MAN2A1: variants seen among roughly 807,000 people sequenced by gnomAD.
The protein encoded by MAN2A1 is alpha-mannosidase 2.
A neutral mutation model predicts 142.6 loss-of-function variants in MAN2A1; 76 were observed. The ratio of observed to expected loss-of-function variants is 0.53; its 90% CI spans 0.44 to 0.65. MAN2A1 has a LOEUF of 0.65. Among genes scored for constraint, MAN2A1 ranks in the 30% least tolerant of loss-of-function variants. The pLI is 0.00. For missense variants in MAN2A1, 1,311 were observed against 1,365.1 expected, an observed-to-expected ratio of 0.96 and a Z score of 0.62; for synonymous variants, 559 against 473.2, an observed-to-expected ratio of 1.18 and a Z score of -2.35.
intron 20 of MAN2A1, chr5:109,863,796 T>A (rs1173039852): frequency 6.6e-6 from 1 of 152,240 alleles, no homozygotes; most frequent in Non-Finnish European, 1.5e-5. Context: ...TGTATTGAAA[T>A]GAATTAGAAA....
At chr5:109,833,596 T>C (rs1580300613) in intron 16 of MAN2A1, among the ~76,000 whole-genome samples, 1 of 150,970 alleles carries the variant, frequency 6.6e-6, no homozygotes, top group African/African-American at 2.4e-5. Context: ...GGCATGGAGG[T>C]TGCAGTGAGC....
At chr5:109,748,716 TAGAC>T (rs1218673699) in intron 4 of MAN2A1, among the ~76,000 whole-genome samples, 1 of 151,974 alleles carries the variant, frequency 6.6e-6, no homozygotes, top group Non-Finnish European at 1.5e-5. Flanking sequence ...TCCAGGCAGA[TAGAC>T]AGCATGGACA....
At chr5:109,789,408 T>G (rs1753681518) in intron 11 of MAN2A1, 52 bp from the exon 12 acceptor site, 3 of 1,007,726 alleles carry the variant, frequency 3.0e-6, no homozygotes, top group Non-Finnish European at 4.4e-6. Context: ...GGTTTCAGGA[T>G]GAGTCCATGG....
chr5:109,742,833 A>T (rs1212827664), intron 4 of MAN2A1, among the ~76,000 whole-genome samples: 1 of 152,228 alleles, frequency 6.6e-6, no homozygotes, highest in Non-Finnish European at 1.5e-5. Flanking sequence ...CTTTAGTTCT[A>T]ATAGTTGAAG....
At chr5:109,714,973 C>T (rs1358792454) in intron 2 of MAN2A1, among the ~76,000 whole-genome samples, 1 of 143,958 alleles carries the variant, frequency 6.9e-6, no homozygotes, top group Non-Finnish European at 1.5e-5. Context: ...TGTTGTCATC[C>T]ATGATAAGGG....
At chr5:109,711,405 T>G (rs567731412) in intron 1 of MAN2A1, among the ~76,000 whole-genome samples, 17 of 151,542 alleles carry the variant, frequency 1.1e-4, no homozygotes, top group Non-Finnish European at 1.6e-4. Context: ...CAGACAGCCT[T>G]TGATAGCATA....
At chr5:109,854,963 T>C (rs1755568694) in intron 19 of MAN2A1, 177 bp from the exon 20 acceptor site, 3 of 419,226 alleles carry the variant, frequency 7.2e-6, no homozygotes, top group Non-Finnish European at 1.2e-5. Flanking sequence ...TATTTTCTTT[T>C]ATTGCTTACA....
intron 1 of MAN2A1, among the ~76,000 whole-genome samples, chr5:109,691,882 G>T (rs921105885): frequency 1.3e-5 from 2 of 152,168 alleles, no homozygotes; most frequent in East Asian, 3.8e-4. Context: ...TGATGAGGTT[G>T]AAGAAAACAG....
chr5:109,794,171 G>A (rs1753803983), intron 12 of MAN2A1: 1 of 152,148 alleles, frequency 6.6e-6, no homozygotes, highest in Admixed American at 6.6e-5. Flanking sequence ...ATTTGATAGA[G>A]GCATTTGGAG....
intron 4 of MAN2A1, among the ~76,000 whole-genome samples, chr5:109,742,701 G>A (rs1288360018): frequency 1.3e-5 from 2 of 152,166 alleles, no homozygotes; most frequent in African/African-American, 2.4e-5. Flanking sequence ...ATAGAGCAAT[G>A]GGAAGTTACA....
At chr5:109,697,300 A>G (rs1750842409) in intron 1 of MAN2A1, among the ~76,000 whole-genome samples, 1 of 152,252 alleles carries the variant, frequency 6.6e-6, no homozygotes. Context: ...TCTTGAGATG[A>G]GAAAAAGCAG....
chr5:109,739,916 G>T lies in MAN2A1; in HGVS notation c.707+10403G>T, dbSNP rs145045841. Among the ~76,000 whole-genome samples, 248 of 152,276 alleles carry T rather than the reference G, an allele frequency of 1.6e-3. 1 individual carries two copies. Among genetic ancestry groups the T allele is most frequent in the African/African-American group, 5.6e-3 (234 of 41,556 alleles). ...CCAGGGCTTTGAATCTTTAGAGAGC[G>T]AAGTGAGGGCTGACAGATGGAGGGA... On this transcript the variant is annotated intron_variant, in intron 4 of 21. Coordinates refer to ENST00000261483, the MANE Select transcript of MAN2A1 (RefSeq NM_002372.4).
In MAN2A1 at chr5:109,846,025, C is replaced by G. The variant is rs1209655402; in HGVS notation, c.2842+19C>G. On this transcript the variant is annotated intron_variant, in intron 18 of 21. Transcript: ENST00000261483. ...AATAGTGGTATGTATTGCTTACACT[C>G]TTTTCCACTCTGAAAGGTTTCAATT... is the stretch of plus-strand genomic sequence containing the variant. The G allele has an allele frequency of 6.3e-7, 1 of 1,580,604 alleles. No individual in the cohort carries two copies. Among genetic ancestry groups the G allele is most frequent in the Non-Finnish European group, 8.6e-7 (1 of 1,163,490 alleles).
chr5:109,818,079 T>C (rs182623913), intron 13 of MAN2A1, among the ~76,000 whole-genome samples: 3 of 152,306 alleles, frequency 2.0e-5, no homozygotes, highest in Admixed American at 1.3e-4. Flanking sequence ...GATACAGCCA[T>C]AAACTAGGAA....
At chr5:109,778,053 A>G (rs1210645529) in intron 8 of MAN2A1, among the ~76,000 whole-genome samples, 2 of 151,184 alleles carry the variant, frequency 1.3e-5, no homozygotes, top group African/African-American at 2.4e-5. Context: ...GTAATTCTAC[A>G]TAGGTGTAGG....
At chr5:109,756,107 G>A (rs1289365024) in intron 5 of MAN2A1, among the ~76,000 whole-genome samples, 1 of 152,002 alleles carries the variant, frequency 6.6e-6, no homozygotes, top group African/African-American at 2.4e-5. Flanking sequence ...AGTCATTTTG[G>A]TGGAAATGGT....
chr5:109,726,701 A>G (rs960923385), intron 3 of MAN2A1, among the ~76,000 whole-genome samples: 1 of 152,198 alleles, frequency 6.6e-6, no homozygotes, highest in Non-Finnish European at 1.5e-5. Context: ...TTGAAAATAA[A>G]TAGTTGTGCT....
Position 109,832,630 on chromosome 5 carries a change from C to G in MAN2A1, c.2566+8793C>G, listed in dbSNP as rs547961031. ...TCTTTCCTTTCCCCACACGTCCCCC[C>G]CTTCCACTCGACAAAACCGCCATCG... On this transcript the variant is annotated intron_variant, in intron 16 of 21. Coordinates refer to ENST00000261483, the MANE Select transcript of MAN2A1 (RefSeq NM_002372.4). Among the ~76,000 whole-genome samples, 427 of 152,332 alleles carry G rather than the reference C, an allele frequency of 2.8e-3. 5 individuals are homozygous for G. The highest frequency in any genetic ancestry group is 2.1e-3 in the Non-Finnish European group (143 of 68,032).
At position 109,698,197 on chromosome 5, in the gene MAN2A1, T is replaced by A. The variant is rs185039874; in HGVS notation, c.135+7645T>A. Among the ~76,000 whole-genome samples the A allele has an allele frequency of 4.1e-4, 62 of 152,350 alleles. 1 individual carries two copies. Among genetic ancestry groups the A allele is most frequent in the Middle Eastern group, 6.8e-3 (2 of 294 alleles). ...AGAAGGGAGAGCTCAGGTATAGGTA[T>A]CTTCTTCATAAGCTGTAAATAGAAG... On this transcript the variant is annotated intron_variant, in intron 1 of 21. Coordinates refer to ENST00000261483, the MANE Select transcript of MAN2A1 (RefSeq NM_002372.4).
Sources: allele counts gnomAD v4.1 joint callset (sites outside exome capture counted in the v4.1 genomes callset), GRCh38; gene constraint gnomAD v4.1.1; transcripts MANE v1.5; gene names NCBI Gene and HGNC (gene_info 2026-07-23, HGNC 2026-07-21).